The following SPAG16 variants were observed in gnomAD, a reference collection of about 807,000 sequenced individuals.
SPAG16 encodes the protein sperm-associated antigen 16 protein.
A neutral mutation model predicts 80.4 loss-of-function variants in SPAG16; 86 were observed. The observed-to-expected ratio is 1.07, with a 90% CI of 0.90 to 1.28. SPAG16 has a LOEUF of 1.28. Ranked by LOEUF, SPAG16 falls within the 50% of genes most tolerant of loss-of-function variation. The pLI is 0.00. For synonymous variants in SPAG16, 294 were observed against 265.9 expected (o/e 1.11, Z -1.03); for missense variants, 870 against 765.3 (o/e 1.14, Z -1.61).
chr2:213,290,107 T>C (rs2062210627), intron 1 of SPAG16, among the ~76,000 whole-genome samples: 1 of 152,228 alleles, frequency 6.6e-6, no homozygotes, highest in African/African-American at 2.4e-5. Context: ...AGTTTCAGTG[T>C]GGGTGTTACA....
intron 9 of SPAG16, among the ~76,000 whole-genome samples, chr2:213,480,624 A>G (rs1357757139): frequency 6.6e-6 from 1 of 152,214 alleles, no homozygotes. Context: ...GTCTAGCACT[A>G]TTTCAGCACC....
intron 13 of SPAG16, among the ~76,000 whole-genome samples, chr2:214,063,650 A>G (rs1374258101): frequency 6.6e-6 from 1 of 152,210 alleles, no homozygotes; most frequent in African/African-American, 2.4e-5. Flanking sequence ...TTTTGGGGAC[A>G]TTCAGACAGT....
Position 213,874,078 on chromosome 2 carries a change from G to A in SPAG16, c.1214+11450G>A, listed in dbSNP as rs368430251. On this transcript the variant is annotated intron_variant, in intron 11 of 15. Coordinates refer to ENST00000331683, the MANE Select transcript of SPAG16 (RefSeq NM_024532.5). Reference sequence around the variant, plus strand: ...AAATACAGTATAAAAGATAAAAAGTGGTATACTTGTTTAGGGCATTTACCA... The same window carrying A: ...AAATACAGTATAAAAGATAAAAAGTAGTATACTTGTTTAGGGCATTTACCA... Among the ~76,000 whole-genome samples, 15 of 152,092 alleles carry A rather than the reference G, an allele frequency of 9.9e-5. No homozygotes were observed. In the East Asian group the frequency reaches 2.1e-3, roughly 22 times the overall value.
At chr2:213,987,364 G>C (rs975881032) in intron 12 of SPAG16, among the ~76,000 whole-genome samples, 3 of 152,050 alleles carry the variant, frequency 2.0e-5, no homozygotes, top group Admixed American at 6.6e-5. Context: ...TAGACAGTCT[G>C]AATTTTGGAT....
chr2:214,106,339 T>G (rs2053382514), intron 13 of SPAG16, among the ~76,000 whole-genome samples: 1 of 152,166 alleles, frequency 6.6e-6, no homozygotes, highest in Non-Finnish European at 1.5e-5. Flanking sequence ...TGGGATGATT[T>G]GAAGTTCTTA....
At chr2:214,139,782 T>G (rs930537441) in intron 14 of SPAG16, among the ~76,000 whole-genome samples, 1 of 152,198 alleles carries the variant, frequency 6.6e-6, no homozygotes, top group Non-Finnish European at 1.5e-5. Flanking sequence ...GAGGCCTGTT[T>G]GAAGCCCAGT....
chr2:213,976,628 C>T (rs1488181256), intron 12 of SPAG16, among the ~76,000 whole-genome samples: 1 of 151,876 alleles, frequency 6.6e-6, no homozygotes, highest in Non-Finnish European at 1.5e-5. Flanking sequence ...AGAGGTATAG[C>T]AGAAAAAGCT....
intron 15 of SPAG16, among the ~76,000 whole-genome samples, chr2:214,156,301 C>T (rs1398900289): frequency 6.6e-6 from 1 of 152,086 alleles, no homozygotes; most frequent in Non-Finnish European, 1.5e-5. Flanking sequence ...AATTCCTATT[C>T]AAGGAATTAG....
chr2:214,383,462 T>G (rs1700570976), intron 15 of SPAG16, among the ~76,000 whole-genome samples: 1 of 151,666 alleles, frequency 6.6e-6, no homozygotes, highest in Admixed American at 6.6e-5. Flanking sequence ...TCCCAGCTGC[T>G]TGGGAGGCTG....
At chr2:213,390,021 T>C (rs1575458713) in intron 9 of SPAG16, among the ~76,000 whole-genome samples, 1 of 152,174 alleles carries the variant, frequency 6.6e-6, no homozygotes, top group Non-Finnish European at 1.5e-5. Flanking sequence ...CAAAATGTGG[T>C]ATATACATAC....
chr2:213,720,298 C>G (rs995035299), intron 10 of SPAG16, among the ~76,000 whole-genome samples: 1 of 151,900 alleles, frequency 6.6e-6, no homozygotes, highest in Non-Finnish European at 1.5e-5. Flanking sequence ...AATAAACCTG[C>G]TGGTTCTGCA....
At chr2:214,013,809 T>C in intron 12 of SPAG16, 142 bp from the exon 13 acceptor site, 1 of 726,144 alleles carries the variant, frequency 1.4e-6, no homozygotes, top group Non-Finnish European at 2.2e-6. Flanking sequence ...GCTATAGAAT[T>C]TTACTTTTAA....
chr2:213,289,006 A>G (rs922443024), intron 1 of SPAG16, among the ~76,000 whole-genome samples: 1 of 152,220 alleles, frequency 6.6e-6, no homozygotes, highest in South Asian at 2.1e-4. Context: ...GTCATAGGCT[A>G]TTTGGAGAGA....
chr2:213,550,947 G>A (rs948888100), intron 10 of SPAG16, among the ~76,000 whole-genome samples: 5 of 151,542 alleles, frequency 3.3e-5, no homozygotes, highest in Admixed American at 6.6e-5. Flanking sequence ...TTTACTTTTA[G>A]CATTTTAAAT....
chr2:214,128,827 A>G (rs1278961965), intron 14 of SPAG16, among the ~76,000 whole-genome samples: 1 of 151,816 alleles, frequency 6.6e-6, no homozygotes, highest in Non-Finnish European at 1.5e-5. Context: ...AATGCTGTCA[A>G]GTTACTTAGA....
At chr2:213,457,413 C>T (rs1057016220) in intron 9 of SPAG16, among the ~76,000 whole-genome samples, 2 of 152,098 alleles carry the variant, frequency 1.3e-5, no homozygotes, top group African/African-American at 4.8e-5. Flanking sequence ...TTCGTGGTTT[C>T]TTGTACTTCA....
At position 213,819,948 on chromosome 2, in the gene SPAG16, T is replaced by G. The variant is rs556975856; in HGVS notation, c.1071-42537T>G. 2.0e-5 allele frequency among the ~76,000 whole-genome samples: 3 copies of G among 151,040 alleles called. No individual in the cohort carries two copies. In the East Asian group the frequency reaches 5.8e-4, roughly 29 times the overall value. ...ATTTTTCTAATTTTTCGTGTTTTTT[T>G]TTTTTTTTTTAGTAGAGACGGGTTT... is the stretch of plus-strand genomic sequence containing the variant. On this transcript the variant is annotated intron_variant, in intron 10 of 15. Transcript: ENST00000331683.
chr2:213,780,027 T>C (rs1409689194), intron 10 of SPAG16, among the ~76,000 whole-genome samples: 1 of 152,224 alleles, frequency 6.6e-6, no homozygotes, highest in African/African-American at 2.4e-5. Context: ...TGCTGACTCC[T>C]GTTTCACCCT....
chr2:213,862,619 T>G lies in SPAG16; in HGVS notation c.1205T>G (p.Phe402Cys), dbSNP rs762270909. Residue 402 changes from phenylalanine (F) to cysteine (C), a missense_variant, in exon 11 of 16, where the codon TTC becomes TGC. Physicochemically the swap from Phe to Cys is radical, Grantham distance 205. Coordinates refer to ENST00000331683, the MANE Select transcript of SPAG16 (RefSeq NM_024532.5). ...GHTDWLSDCC[F>C]HPSGDKLATS... ...ACTGACTGGCTTTCAGACTGCTGCTTCCATCCCAGGTCAGTGCACAGGACC... is the reference window on the plus strand; with the variant it reads ...ACTGACTGGCTTTCAGACTGCTGCTGCCATCCCAGGTCAGTGCACAGGACC... 1 of 1,613,948 alleles carries G rather than the reference T, an allele frequency of 6.2e-7. No homozygotes were observed.
Sources: gnomAD v4.1 joint callset for allele counts (sites outside exome capture counted in the v4.1 genomes callset) on GRCh38, gnomAD v4.1.1 for gene constraint, MANE v1.5 for transcripts, NCBI Gene and HGNC (gene_info 2026-07-23, HGNC 2026-07-21) for gene names.